The following CHTF8 variants were observed in gnomAD, a reference collection of about 807,000 sequenced individuals.
CHTF8 encodes the protein chromosome transmission fidelity factor 8, also known as chromosome transmission fidelity protein 8 homolog.
CHTF8 carries 6 observed loss-of-function variants against 11.0 expected under a neutral mutation model. The ratio of observed to expected loss-of-function variants is 0.55; its 90% CI spans 0.30 to 1.08. The LOEUF (loss-of-function observed/expected upper bound fraction) is 1.08. Ranked by LOEUF, CHTF8 falls within the 50% of genes least tolerant of loss-of-function variation. The pLI, the probability that CHTF8 is intolerant of heterozygous loss-of-function variation, is 0.07. For missense variants in CHTF8, 140 were observed against 153.1 expected (o/e 0.91, Z 0.45); for synonymous variants, 53 against 60.5 (o/e 0.88, Z 0.57).
At position 69,118,444 on chromosome 16, in the gene CHTF8, C is replaced by T. The variant is rs778578308; in HGVS notation, c.*1981G>A. 9.3e-6 allele frequency: 15 copies of T among 1,608,752 alleles called. No individual in the cohort carries two copies. Among genetic ancestry groups the T allele is most frequent in the East Asian group, 2.2e-5 (1 of 44,868 alleles). ...AAGCATGGTCCGTTCACCAACGCCA[C>T]GTTTCTAGAGAGCAGTGAGCTGATT... is the stretch of plus-strand genomic sequence containing the variant. On this transcript the variant is annotated 3_prime_UTR_variant, in exon 4 of 4. Coordinates refer to ENST00000448552, the MANE Select transcript of CHTF8 (RefSeq NM_001039690.5).
rs1251999854 is a variant in CHTF8, at chr16:69,119,552, A to G, written c.*873T>C. On this transcript the variant is annotated 3_prime_UTR_variant, in exon 4 of 4. Transcript: ENST00000448552. ...GTGCCCATGTTTCCAGAAGCCTGTG[A>G]GAAAGAAGCTGAATTTGCTCCTAAA... is the stretch of plus-strand genomic sequence containing the variant. 1 of 702,902 alleles carries G rather than the reference A, an allele frequency of 1.4e-6. No homozygotes were observed. Among genetic ancestry groups the G allele is most frequent in the African/African-American group, 1.7e-5 (1 of 57,382 alleles). The allele number at this position is 702,902 out of a possible 1,614,324, so 43.5% of individuals were successfully genotyped here.
rs1483348100 is a variant in CHTF8 at position 69,121,166 on chromosome 16, T to C, written c.28A>G (p.Arg10Gly). The C allele has an allele frequency of 6.2e-7, 1 of 1,612,010 alleles. No homozygotes were observed. Among genetic ancestry groups the C allele is most frequent in the East Asian group, 2.2e-5 (1 of 44,860 alleles). Residue 10 changes from arginine (R) to glycine (G), a missense_variant, in exon 3 of 4, where the codon AGG becomes GGG. Coordinates refer to ENST00000448552, the MANE Select transcript of CHTF8 (RefSeq NM_001039690.5). ...ACCCATTCTGCCAGGCCTCCAGCCC[T>C]CGCACTGCAAGCAAAGGGCTGGCGG... is the stretch of plus-strand genomic sequence containing the variant. MVQIVISSA[R>G]AGGLAEWVLM...
chr16:69,118,687 T>A lies in CHTF8; in HGVS notation c.*1738A>T, dbSNP rs1961363493. ...CAGTTCACATGCCACAAATAACATCTCACCTTCAGTCAAGAAAAACGCAAA... is the reference window on the plus strand; with the variant it reads ...CAGTTCACATGCCACAAATAACATCACACCTTCAGTCAAGAAAAACGCAAA... On this transcript the variant is annotated 3_prime_UTR_variant, in exon 4 of 4. Coordinates refer to ENST00000448552, the MANE Select transcript of CHTF8 (RefSeq NM_001039690.5). The A allele has an allele frequency of 1.2e-5, 8 of 662,450 alleles. No individual in the cohort carries two copies. Among genetic ancestry groups the A allele is most frequent in the Non-Finnish European group, 1.9e-5 (7 of 366,998 alleles). 41.0% of individuals were successfully genotyped at this position (662,450 alleles called of 1,614,324 possible). A position where few individuals can be genotyped will look rare whatever the true frequency, so the allele number is the denominator to read the frequency against.
chr16:69,121,578 A>G (rs1961666396), intron 1 of CHTF8, 85 bp from the exon 2 acceptor site: 4 of 767,300 alleles, frequency 5.2e-6, no homozygotes, highest in East Asian at 2.7e-5. Flanking sequence ...CCCGGGTTCA[A>G]TCGATTCTCC....
chr16:69,120,372 C>T lies in CHTF8; in HGVS notation c.*53G>A, dbSNP rs747942110. On this transcript the variant is annotated 3_prime_UTR_variant, in exon 4 of 4. Coordinates refer to ENST00000448552, the MANE Select transcript of CHTF8 (RefSeq NM_001039690.5). This position sits in a 1 kb window ranked among gnomAD's most constrained non-coding sequence, Gnocchi z 4.0. ...CGTCGAGCCGTCCTCGAGGTGGCAG[C>T]GGAGCACGAGTCCAAGGAGTTGGCC... 61 of 1,570,654 alleles carry T rather than the reference C, an allele frequency of 3.9e-5. No homozygotes were observed. Among genetic ancestry groups the T allele is most frequent in the Non-Finnish European group, 4.7e-5 (54 of 1,141,088 alleles).
intron 1 of CHTF8, among the ~76,000 whole-genome samples, chr16:69,125,264 T>C (rs1279248725): frequency 6.6e-6 from 1 of 152,224 alleles, no homozygotes; most frequent in Non-Finnish European, 1.5e-5. Context: ...GAATTTTTAC[T>C]GTGGAATTTT....
Position 69,119,783 on chromosome 16 carries a change from C to T in CHTF8, c.*642G>A, listed in dbSNP as rs576030478. On this transcript the variant is annotated 3_prime_UTR_variant, in exon 4 of 4. Transcript: ENST00000448552. Reference sequence around the variant, plus strand: ...GGGGCAGGGTTTGTCCCTAAAAAGCCTGATCTCAGATTGGGGTTTGGTCCT... The same window carrying T: ...GGGGCAGGGTTTGTCCCTAAAAAGCTTGATCTCAGATTGGGGTTTGGTCCT... 5 of 699,954 alleles carry T rather than the reference C, an allele frequency of 7.1e-6. No homozygotes were observed. The South Asian group carries it at 7.4e-5, about 10-fold the overall frequency. The allele number at this position is 699,954 out of a possible 1,614,324, so 43.4% of individuals were successfully genotyped here. A position where few individuals can be genotyped will look rare whatever the true frequency, so the allele number is the denominator to read the frequency against.
chr16:69,132,516 C>T lies in CHTF8; in HGVS notation c.-68G>A. 1 of 286,516 alleles carries T rather than the reference C, an allele frequency of 3.5e-6. No individual in the cohort carries two copies. The highest frequency in any genetic ancestry group is 6.7e-6 in the Non-Finnish European group (1 of 149,234). The allele number at this position is 286,516 out of a possible 1,614,324, so 17.7% of individuals were successfully genotyped here. ...GGCGGCCGCCGAGCGCGGCGCCGCG[C>T]GGCCAACGGGCGACAACCGAACCTC... On this transcript the variant is annotated 5_prime_UTR_variant, in exon 1 of 4. Transcript: ENST00000448552.
Position 69,119,097 on chromosome 16 carries a change from T to G in CHTF8, c.*1328A>C. 1 of 703,054 alleles carries G rather than the reference T, an allele frequency of 1.4e-6. No individual in the cohort carries two copies. Among genetic ancestry groups the G allele is most frequent in the Non-Finnish European group, 2.6e-6 (1 of 385,024 alleles). 43.6% of individuals were successfully genotyped at this position (703,054 alleles called of 1,614,324 possible). On this transcript the variant is annotated 3_prime_UTR_variant, in exon 4 of 4. Transcript: ENST00000448552. Reference sequence around the variant, plus strand: ...GAGAAGGGCCCAGATGCCCGGCAGCTGGCCTGGGGAAAGTAACTTGACCAG... The same window carrying G: ...GAGAAGGGCCCAGATGCCCGGCAGCGGGCCTGGGGAAAGTAACTTGACCAG...
At chr16:69,123,825 C>T (rs145015334) in intron 1 of CHTF8, among the ~76,000 whole-genome samples, 93 of 151,422 alleles carry the variant, frequency 6.1e-4, no homozygotes, top group African/African-American at 2.1e-3. Context: ...CAGTAGCTCA[C>T]GCCTGCAATT....
At chr16:69,121,817 G>A (rs934265324) in intron 1 of CHTF8, among the ~76,000 whole-genome samples, 1 of 152,126 alleles carries the variant, frequency 6.6e-6, no homozygotes, top group Non-Finnish European at 1.5e-5. Context: ...ACAGGTGCCC[G>A]CCACCACGGC....
chr16:69,120,544 A>T lies in CHTF8; in HGVS notation c.247T>A (p.Cys83Ser). The T allele has an allele frequency of 6.2e-7, 1 of 1,614,144 alleles. No individual in the cohort carries two copies. Among genetic ancestry groups the T allele is most frequent in the South Asian group, 1.1e-5 (1 of 91,084 alleles). The change falls in exon 4 of 4, where the codon TGT becomes AGT. Residue 83 changes from cysteine to serine, a missense_variant. Cys to Ser is a moderately radical substitution (Grantham distance 112). Transcript: ENST00000448552. This position sits in a 1 kb window ranked among gnomAD's most constrained non-coding sequence, Gnocchi z 4.0. ...LVKHTPGDQD[C>S]DELGRETGTR... The stretch of plus-strand genomic sequence containing the variant: ...CCAGTCTCGCGGCCAAGCTCATCAC[A>T]GTCCTGATCCCCAGGAGTGTGTTTG...
chr16:69,126,348 A>G (rs566348922), intron 1 of CHTF8, among the ~76,000 whole-genome samples: 1 of 152,340 alleles, frequency 6.6e-6, no homozygotes, highest in African/African-American at 2.4e-5. Context: ...ACAGGAATTC[A>G]GAACAATGGT....
chr16:69,123,019 A>G (rs1164235486), intron 1 of CHTF8, among the ~76,000 whole-genome samples: 1 of 152,064 alleles, frequency 6.6e-6, no homozygotes, highest in Admixed American at 6.6e-5. Context: ...TTGGCCTCTC[A>G]AAGTGCTGGG....
In CHTF8 at chr16:69,120,030, T is replaced by C. The variant is rs1961508432; in HGVS notation, c.*395A>G. 1.5e-6 allele frequency: 1 copy of C among 687,580 alleles called. No homozygotes were observed. Among genetic ancestry groups the C allele is most frequent in the Non-Finnish European group, 2.6e-6 (1 of 377,552 alleles). 42.6% of individuals were successfully genotyped at this position (687,580 alleles called of 1,614,324 possible). Reference sequence around the variant, plus strand: ...GAGGCCCTGGGCCTGGCAGAGCCCCTGTCCTAGGGTTTAGGGTGGGGCCTG... The same window carrying C: ...GAGGCCCTGGGCCTGGCAGAGCCCCCGTCCTAGGGTTTAGGGTGGGGCCTG... On this transcript the variant is annotated 3_prime_UTR_variant, in exon 4 of 4. Transcript: ENST00000448552. This position sits in a 1 kb window ranked among gnomAD's most constrained non-coding sequence, Gnocchi z 4.0.
intron 1 of CHTF8, among the ~76,000 whole-genome samples, chr16:69,131,896 C>T (rs1254937175): frequency 6.6e-6 from 1 of 151,892 alleles, no homozygotes; most frequent in Non-Finnish European, 1.5e-5. Context: ...CTTCCAATTA[C>T]CTCTCCCAGA....
intron 1 of CHTF8, among the ~76,000 whole-genome samples, chr16:69,124,377 TA>T (rs1961908712): frequency 6.6e-6 from 1 of 152,150 alleles, no homozygotes; most frequent in African/African-American, 2.4e-5. Context: ...ATAGGTATTA[TA>T]ATTGTGCTCA....
rs752863103 is a variant in CHTF8 at position 69,121,479 on chromosome 16, G to A, written c.-21C>T. The A allele has an allele frequency of 1.3e-6, 2 of 1,596,086 alleles. No homozygotes were observed. Among genetic ancestry groups the A allele is most frequent in the South Asian group, 1.1e-5 (1 of 87,802 alleles). On this transcript the variant is annotated 5_prime_UTR_variant, in exon 2 of 4. Transcript: ENST00000448552. The stretch of plus-strand genomic sequence containing the variant: ...ACCATGAGCTTTCTGTCTTTAAAAA[G>A]CAAGTGAAAACAAGCTGTAGAGAGA...
chr16:69,122,560 G>GTTTTTA (rs1961758644), intron 1 of CHTF8, among the ~76,000 whole-genome samples: 1 of 144,126 alleles, frequency 6.9e-6, no homozygotes. Context: ...TTTTTTTTTG[G>GTTTTTA]GAGGGAGTCT....
Sources: gnomAD v4.1 joint callset for allele counts (sites outside exome capture counted in the v4.1 genomes callset) on GRCh38, gnomAD v4.1.1 for gene constraint, Gnocchi (gnomAD v3.1) non-coding constraint, MANE v1.5 for transcripts, NCBI Gene and HGNC (gene_info 2026-07-23, HGNC 2026-07-21) for gene names.